Variants in NPAS2 observed in about 807,000 individuals in gnomAD.
The protein encoded by NPAS2 is neuronal PAS domain-containing protein 2.
Under a neutral mutation model 107.5 loss-of-function variants are expected in NPAS2, and 23 were observed. The observed-to-expected ratio is 0.21, with a 90% CI of 0.15 to 0.30. NPAS2 has a LOEUF of 0.30. Among genes scored for constraint, NPAS2 ranks in the 10% least tolerant of loss-of-function variants. NPAS2 has a pLI of 1.00. For missense variants in NPAS2, 756 were observed against 1,043.3 expected (o/e 0.72, Z 3.79); for synonymous variants, 403 against 417.5 (o/e 0.97, Z 0.42).
intron 2 of NPAS2, among the ~76,000 whole-genome samples, chr2:100,923,596 C>T (rs1683373795): frequency 6.6e-6 from 1 of 152,146 alleles, no homozygotes. Flanking sequence ...ACACATTGGC[C>T]AGGAGCCTCC....
intron 13 of NPAS2, 84 bp from the exon 14 acceptor site, chr2:100,975,374 C>T: frequency 8.2e-7 from 1 of 1,215,212 alleles, no homozygotes; most frequent in Non-Finnish European, 1.2e-6. Context: ...TTGTACTGTG[C>T]ACACCACGGT....
chr2:100,965,302 A>G lies in NPAS2; in HGVS notation c.801-358A>G, dbSNP rs989159354. Among the ~76,000 whole-genome samples, 1 of 152,102 alleles carries G rather than the reference A, an allele frequency of 6.6e-6. No homozygotes were observed. Among genetic ancestry groups the G allele is most frequent in the Non-Finnish European group, 1.5e-5 (1 of 68,008 alleles). Reference sequence around the variant, plus strand: ...GCCCAATCTTTACTGTTTCTTTTGTAACATTATTTGCAGTTGAAGAACTCC... The same window carrying G: ...GCCCAATCTTTACTGTTTCTTTTGTGACATTATTTGCAGTTGAAGAACTCC... On this transcript the variant is annotated intron_variant, in intron 9 of 20. Coordinates refer to ENST00000335681, the MANE Select transcript of NPAS2 (RefSeq NM_002518.4). This position sits in a 1 kb window ranked among gnomAD's most constrained non-coding sequence, Gnocchi z 4.3.
At position 100,988,194 on chromosome 2, in the gene NPAS2, G is replaced by A; in HGVS notation, c.1745G>A (p.Gly582Asp). The A allele has an allele frequency of 6.2e-7, 1 of 1,614,156 alleles. No homozygotes were observed. The highest frequency in any genetic ancestry group is 8.5e-7 in the Non-Finnish European group (1 of 1,180,038). ...AAVTQPQLGA[G>D]PQLPGQISSA... Reference sequence around the variant, plus strand: ...GTGACTCAGCCCCAGCTCGGGGCGGGCCCCCAACTTCCAGGGCAGATCTCC... The same window carrying A: ...GTGACTCAGCCCCAGCTCGGGGCGGACCCCCAACTTCCAGGGCAGATCTCC... The change falls in exon 17 of 21, where the codon GGC (glycine) becomes GAC (aspartate). Residue 582 changes from glycine to aspartate, a missense_variant. By Grantham distance (94) the Gly-to-Asp change is moderately conservative. Around this residue, in one of 4 missense-constraint regions of NPAS2, gnomAD observed 496 missense variants for 594.4 expected, o/e 0.83. Coordinates refer to ENST00000335681, the MANE Select transcript of NPAS2 (RefSeq NM_002518.4).
chr2:100,828,693 C>T (rs1676540809), intron 1 of NPAS2, among the ~76,000 whole-genome samples: 1 of 152,144 alleles, frequency 6.6e-6, no homozygotes, highest in Admixed American at 6.5e-5. Flanking sequence ...TTTGTTGATG[C>T]TCAGATGGCT....
chr2:100,873,297 TATATATATATACACACACACACAC>T lies in NPAS2; in HGVS notation c.-22-31434_-22-31411del, dbSNP rs1415289203. Among the ~76,000 whole-genome samples the T allele has an allele frequency of 4.7e-5, 2 of 42,602 alleles. 1 individual carries two copies. The highest frequency in any genetic ancestry group is 1.6e-4 in the African/African-American group (2 of 12,852). The allele number at this position is 42,602 out of a possible 152,430, so 27.9% of individuals were successfully genotyped here. ...ATACATATATATATATATATATATA[TATATATATATACACACACACACAC>T]ACACACACACACACACACACATATA... On this transcript the variant is annotated intron_variant, in intron 1 of 20. Coordinates refer to ENST00000335681, the MANE Select transcript of NPAS2 (RefSeq NM_002518.4).
intron 1 of NPAS2, among the ~76,000 whole-genome samples, chr2:100,842,109 A>ACT (rs1677474870): frequency 6.6e-6 from 1 of 151,118 alleles, no homozygotes; most frequent in African/African-American, 2.5e-5. Flanking sequence ...ACACACACAC[A>ACT]CTTAAGCCCC....
chr2:100,832,482 G>T (rs1676805419), intron 1 of NPAS2, among the ~76,000 whole-genome samples: 1 of 152,184 alleles, frequency 6.6e-6, no homozygotes, highest in South Asian at 2.1e-4. Context: ...GAAAAATGGG[G>T]ATTTATTGGG....
chr2:100,893,140 G>A lies in NPAS2; in HGVS notation c.-22-11593G>A, dbSNP rs1223673469. 2.0e-5 allele frequency among the ~76,000 whole-genome samples: 3 copies of A among 152,210 alleles called. No individual in the cohort carries two copies. In the South Asian group the frequency reaches 6.2e-4, roughly 32 times the overall value. ...CCCCAAATGACAAAGGAAGATAAGT[G>A]AGCGTCGCAGTTCATCAGCAACTGT... is the stretch of plus-strand genomic sequence containing the variant. On this transcript the variant is annotated intron_variant, in intron 1 of 20. Transcript: ENST00000335681.
chr2:100,995,672 AC>A lies in NPAS2; in HGVS notation c.*94del. ...AGATGGGGAGAGGAGTCTGAACTAA[AC>A]CCCTGGCTTTTGTGCACACTGCATA... On this transcript the variant is annotated 3_prime_UTR_variant, in exon 21 of 21. Transcript: ENST00000335681. 6.4e-7 allele frequency: 1 copy of A among 1,551,506 alleles called. No individual in the cohort carries two copies. The highest frequency in any genetic ancestry group is 1.2e-5 in the South Asian group (1 of 84,842).
At position 100,990,877 on chromosome 2, in the gene NPAS2, G is replaced by T. The variant is rs774040750; in HGVS notation, c.2111+5G>T. ...CAGGACGGGACGGCAAGTCAAGTAC[G>T]TGGACCCTGGCGGGAGGCAGGAGGC... On this transcript the variant is annotated splice_donor_5th_base_variant and intron_variant, in intron 19 of 20. Transcript: ENST00000335681. 6.2e-7 allele frequency: 1 copy of T among 1,613,648 alleles called. No individual in the cohort carries two copies. The highest frequency in any genetic ancestry group is 8.5e-7 in the Non-Finnish European group (1 of 1,179,596).
Position 100,965,684 on chromosome 2 carries a change from G to C in NPAS2, c.825G>C (p.Leu275=). The change falls in exon 10 of 21, where the codon CTG becomes CTC. Residue 275 remains leucine (L), a synonymous_variant. Coordinates refer to ENST00000335681, the MANE Select transcript of NPAS2 (RefSeq NM_002518.4). This position sits in a 1 kb window ranked among gnomAD's most constrained non-coding sequence, Gnocchi z 4.3. The stretch of plus-strand genomic sequence containing the variant: ...GAGCACCTCCAATCATAGGATACCT[G>C]CCTTTTGAAGTGCTGGGAACCTCAG... ...DHRAPPIIGY[L]PFEVLGTSGY... 1 of 1,613,846 alleles carries C rather than the reference G, an allele frequency of 6.2e-7. No individual in the cohort carries two copies.
At chr2:100,991,684 C>G (rs56405342) in intron 19 of NPAS2, among the ~76,000 whole-genome samples, 1 of 152,148 alleles carries the variant, frequency 6.6e-6, no homozygotes. Flanking sequence ...TCTGTATGTT[C>G]ATTATTTAAT....
intron 1 of NPAS2, among the ~76,000 whole-genome samples, chr2:100,853,044 AT>A (rs952957851): frequency 2.6e-5 from 4 of 152,180 alleles, no homozygotes; most frequent in Admixed American, 2.6e-4. Context: ...TACTTATCTT[AT>A]AAACTTCTAT....
rs148023982 is a variant in NPAS2 at position 100,981,943 on chromosome 2, A to G, written c.1483-288A>G. On this transcript the variant is annotated intron_variant, in intron 15 of 20. Coordinates refer to ENST00000335681, the MANE Select transcript of NPAS2 (RefSeq NM_002518.4). ...ACATTGCTTACAAAATCCTGTCCCAATTCTGTGGCCCTCCCGGACTGCAGG... is the reference window on the plus strand; with the variant it reads ...ACATTGCTTACAAAATCCTGTCCCAGTTCTGTGGCCCTCCCGGACTGCAGG... 7.9e-3 allele frequency among the ~76,000 whole-genome samples: 1,199 copies of G among 152,310 alleles called. 15 individuals are homozygous for G. The highest frequency in any genetic ancestry group is 0.027 in the African/African-American group (1,108 of 41,562).
chr2:100,973,128 G>A (rs1385299923), intron 12 of NPAS2, among the ~76,000 whole-genome samples: 1 of 151,810 alleles, frequency 6.6e-6, no homozygotes, highest in Non-Finnish European at 1.5e-5. Context: ...GCAGTGAGCC[G>A]AGATTGCGCC....
At chr2:100,891,217 A>AT (rs552327138) in intron 1 of NPAS2, among the ~76,000 whole-genome samples, 32 of 150,330 alleles carry the variant, frequency 2.1e-4, no homozygotes, top group Non-Finnish European at 4.1e-4. Flanking sequence ...GGGCGACAGA[A>AT]TGAGACTCCA....
At chr2:100,855,454 C>T (rs1678495527) in intron 1 of NPAS2, among the ~76,000 whole-genome samples, 1 of 152,160 alleles carries the variant, frequency 6.6e-6, no homozygotes, top group Non-Finnish European at 1.5e-5. Flanking sequence ...TTCTTGGATC[C>T]TATTTGTGAA....
chr2:100,857,367 A>G (rs1406381629), intron 1 of NPAS2, among the ~76,000 whole-genome samples: 1 of 152,036 alleles, frequency 6.6e-6, no homozygotes, highest in Admixed American at 6.5e-5. Context: ...TGTTGAAAAC[A>G]TTTGCTGAGC....
chr2:100,958,935 G>C (rs1229486583), intron 7 of NPAS2, among the ~76,000 whole-genome samples: 1 of 151,994 alleles, frequency 6.6e-6, no homozygotes, highest in African/African-American at 2.4e-5. Context: ...AAGACATGTA[G>C]TTTCCCTTTA....
Sources: allele counts gnomAD v4.1 joint callset (sites outside exome capture counted in the v4.1 genomes callset), GRCh38; gene constraint gnomAD v4.1.1; regional missense constraint gnomAD v4.1.1; non-coding constraint Gnocchi (gnomAD v3.1); transcripts MANE v1.5; gene names NCBI Gene and HGNC (gene_info 2026-07-23, HGNC 2026-07-21).